Variants in RBM46 observed in about 807,000 individuals in gnomAD.
The protein encoded by RBM46 is RNA binding motif protein 46.
Under a neutral mutation model 43.3 loss-of-function variants are expected in RBM46, and 12 were observed. The ratio of observed to expected loss-of-function variants is 0.28; its 90% CI spans 0.18 to 0.45. The LOEUF (loss-of-function observed/expected upper bound fraction) is 0.45. Among genes scored for constraint, RBM46 ranks in the 20% least tolerant of loss-of-function variants. The pLI is 1.00. For missense variants in RBM46, 412 were observed against 639.1 expected (o/e 0.64, Z 3.83); for synonymous variants, 205 against 207.6 (o/e 0.99, Z 0.11).
At chr4:154,807,404 A>G (rs1180552947) in intron 4 of RBM46, among the ~76,000 whole-genome samples, 2 of 151,682 alleles carry the variant, frequency 1.3e-5, no homozygotes, top group Non-Finnish European at 3.0e-5. Context: ...TCAGCCTATC[A>G]TGCCCTTATC....
At chr4:154,814,312 T>C (rs753014142) in intron 4 of RBM46, among the ~76,000 whole-genome samples, 3 of 152,078 alleles carry the variant, frequency 2.0e-5, no homozygotes, top group Non-Finnish European at 4.4e-5. Context: ...GCCTACTAAA[T>C]AATCACTTTT....
chr4:154,785,564 G>A (rs966990353), intron 1 of RBM46, among the ~76,000 whole-genome samples: 3 of 151,908 alleles, frequency 2.0e-5, no homozygotes, highest in Admixed American at 1.3e-4. Context: ...TACTTTTAAT[G>A]GCAAAAACTT....
chr4:154,823,166 T>G (rs77970875), intron 4 of RBM46, among the ~76,000 whole-genome samples: 3,495 of 151,914 alleles, frequency 0.023, 131 homozygotes, highest in African/African-American at 0.08. Context: ...TGAAGTCAGT[T>G]CCAAAAGACC....
At chr4:154,789,906 G>A (rs1026936074) in intron 1 of RBM46, among the ~76,000 whole-genome samples, 2 of 151,962 alleles carry the variant, frequency 1.3e-5, no homozygotes, top group Non-Finnish European at 2.9e-5. Context: ...GTCTTGGGAG[G>A]GTGTATGTGT....
At chr4:154,802,154 A>G (rs1037947914) in intron 4 of RBM46, among the ~76,000 whole-genome samples, 1 of 152,242 alleles carries the variant, frequency 6.6e-6, no homozygotes, top group African/African-American at 2.4e-5. Context: ...TTGTCTATGG[A>G]CAGTAACACA....
intron 1 of RBM46, among the ~76,000 whole-genome samples, chr4:154,786,710 C>T (rs930668932): frequency 1.3e-5 from 2 of 151,820 alleles, no homozygotes; most frequent in Non-Finnish European, 2.9e-5. Context: ...GGGTGGATCA[C>T]GAGGTCAGGA....
intron 1 of RBM46, chr4:154,787,290 C>T (rs1466499215): frequency 2.0e-5 from 3 of 151,174 alleles, no homozygotes; most frequent in African/African-American, 7.3e-5. Context: ...CCCATTAACT[C>T]GTCATTTACA....
intron 1 of RBM46, among the ~76,000 whole-genome samples, chr4:154,794,904 C>A (rs1237535277): frequency 2.7e-5 from 4 of 149,290 alleles, no homozygotes; most frequent in African/African-American, 4.9e-5. Context: ...TTTTTTTAAT[C>A]ATCTGTTATT....
chr4:154,822,662 T>C (rs1433992523), intron 4 of RBM46, among the ~76,000 whole-genome samples: 3 of 151,624 alleles, frequency 2.0e-5, no homozygotes, highest in African/African-American at 7.2e-5. Flanking sequence ...TGTTAGAAAT[T>C]GAAATAATAA....
At chr4:154,826,681 T>C (rs1284466915) in intron 4 of RBM46, 1 of 790,536 alleles carries the variant, frequency 1.3e-6, no homozygotes, top group Non-Finnish European at 2.0e-6. Context: ...AAAATTAGTT[T>C]AATTAGAGTT....
intron 4 of RBM46, chr4:154,826,755 T>TTTTC: frequency 7.3e-7 from 1 of 1,360,750 alleles, no homozygotes. Flanking sequence ...TTTTTTTTTT[T>TTTTC]TTCCTGAACT....
chr4:154,826,968 T>C, intron 4 of RBM46: 1 of 1,298,192 alleles, frequency 7.7e-7, no homozygotes, highest in South Asian at 2.8e-5. Context: ...AGAAACACCA[T>C]AATGTTTCTA....
intron 4 of RBM46, chr4:154,820,288 G>A: frequency 1.1e-6 from 1 of 904,572 alleles, no homozygotes; most frequent in Non-Finnish European, 1.6e-6. Context: ...AAGTTACCAA[G>A]GATTCCATGC....
chr4:154,820,325 C>G, intron 4 of RBM46: 4 of 1,378,074 alleles, frequency 2.9e-6, no homozygotes, highest in Non-Finnish European at 3.9e-6. Flanking sequence ...TAACATCAAT[C>G]TAAAGACTCA....
rs111451539 is a variant in RBM46 at position 154,809,160 on chromosome 4, T to C, written c.1402+9596T>C. On this transcript the variant is annotated intron_variant, in intron 4 of 4. Coordinates refer to ENST00000281722, the MANE Select transcript of RBM46 (RefSeq NM_144979.5). ...ATACTAGTGTTCTAAAACTCACTTT[T>C]ATTGATTTTTTTATATCTTTACATT... is the stretch of plus-strand genomic sequence containing the variant. 3.7e-3 allele frequency among the ~76,000 whole-genome samples: 562 copies of C among 152,212 alleles called. 5 individuals carry two copies. The highest frequency in any genetic ancestry group is 0.013 in the African/African-American group (537 of 41,568).
At chr4:154,804,556 GA>G (rs576922468) in intron 4 of RBM46, among the ~76,000 whole-genome samples, 4 of 152,144 alleles carry the variant, frequency 2.6e-5, no homozygotes, top group Non-Finnish European at 5.9e-5. Flanking sequence ...AAGTCCTGGA[GA>G]ATACTTAGTG....
chr4:154,810,026 A>T (rs549971754), intron 4 of RBM46, among the ~76,000 whole-genome samples: 3 of 152,294 alleles, frequency 2.0e-5, no homozygotes, highest in Non-Finnish European at 1.5e-5. Context: ...ATTGGAAAGG[A>T]TTCAAAGGGA....
rs1037810172 is a variant in RBM46 at position 154,782,545 on chromosome 4, A to G, written c.-12+1109A>G. 2.2e-4 allele frequency among the ~76,000 whole-genome samples: 34 copies of G among 152,176 alleles called. 1 individual carries two copies. Among genetic ancestry groups the G allele is most frequent in the Non-Finnish European group, 1.9e-4 (13 of 68,046 alleles). On this transcript the variant is annotated intron_variant, in intron 1 of 4. Coordinates refer to ENST00000281722, the MANE Select transcript of RBM46 (RefSeq NM_144979.5). ...GTCTCCCAGGCGGGAGAGCAGTGGC[A>G]GGATCTCGGCTGACTGCAACTTCCG...
chr4:154,805,725 A>C (rs990516160), intron 4 of RBM46, among the ~76,000 whole-genome samples: 12 of 151,988 alleles, frequency 7.9e-5, no homozygotes, highest in African/African-American at 2.7e-4. Context: ...AGATAAAAAT[A>C]TTCCAAACCA....
Sources: allele counts gnomAD v4.1 joint callset (sites outside exome capture counted in the v4.1 genomes callset), GRCh38; gene constraint gnomAD v4.1.1; transcripts MANE v1.5; gene names NCBI Gene and HGNC (gene_info 2026-07-23, HGNC 2026-07-21).